MAP1B: variants seen among roughly 807,000 people sequenced by gnomAD.
MAP1B encodes microtubule associated protein 1B, also known as microtubule-associated protein 1B.
A neutral mutation model predicts 176.1 loss-of-function variants in MAP1B; 12 were observed. That is an observed-to-expected ratio of 0.07 (90% CI 0.04 to 0.11). The LOEUF is 0.11. MAP1B is among the 10% of genes least tolerant of loss of function. MAP1B has a pLI of 1.00. For synonymous variants in MAP1B, 1,044 were observed against 1,135.0 expected (o/e 0.92, Z 1.61); for missense variants, 2,523 against 2,990.5 (o/e 0.84, Z 3.65).
chr5:72,169,639 AAGGCTCGGATCT>A (rs1746496999), intron 2 of MAP1B: 2 of 154,354 alleles, frequency 1.3e-5, no homozygotes, highest in Admixed American at 1.3e-4. Flanking sequence ...CTATAGGTGG[AAGGCTCGGATCT>A]AGGCTTTGTG....
intron 2 of MAP1B, among the ~76,000 whole-genome samples, chr5:72,168,216 C>G (rs1348615171): frequency 6.6e-6 from 1 of 152,226 alleles, no homozygotes; most frequent in Non-Finnish European, 1.5e-5. Context: ...CACCTTCCAG[C>G]TTCTCCAGCA....
chr5:72,133,402 T>C (rs1014896274), intron 2 of MAP1B, among the ~76,000 whole-genome samples: 5 of 152,212 alleles, frequency 3.3e-5, no homozygotes, highest in African/African-American at 1.2e-4. Flanking sequence ...TACCCTGCAG[T>C]AAGCTTCTTT....
In MAP1B at chr5:72,198,612, G is replaced by A. The variant is rs1195251318; in HGVS notation, c.5257G>A (p.Val1753Ile). Residue 1753 changes from valine to isoleucine, a missense_variant, in exon 5 of 7, where the codon GTT becomes ATT. This residue lies in a region of MAP1B where 1,925 missense variants were observed against 2,126.0 expected (regional missense o/e 0.91). Transcript: ENST00000296755. Reference protein sequence around the residue: ...SPLQEDTLSDVAPPRDMSLYA... With the variant: ...SPLQEDTLSDIAPPRDMSLYA... ...TCTCCAAGAAGATACTCTATCCGAT[G>A]TTGCTCCTCCCAGAGATATGTCCTT... 6.2e-7 allele frequency: 1 copy of A among 1,614,128 alleles called. No individual in the cohort carries two copies. Among genetic ancestry groups the A allele is most frequent in the East Asian group, 2.2e-5 (1 of 44,876 alleles).
At position 72,199,643 on chromosome 5, in the gene MAP1B, G is replaced by C. The variant is rs1561318278; in HGVS notation, c.6288G>C (p.Glu2096Asp). 2 of 1,614,182 alleles carry C rather than the reference G, an allele frequency of 1.2e-6. No homozygotes were observed. The highest frequency in any genetic ancestry group is 4.5e-5 in the East Asian group (2 of 44,880). The stretch of plus-strand genomic sequence containing the variant: ...GTGAATACAAGCACCCCAAGACAGA[G>C]CTTTCACCCTCTTTCATTAATCCCA... ...SSCEYKHPKT[E>D]LSPSFINPNP... The change falls in exon 5 of 7, where the codon GAG (glutamate) becomes GAC (aspartate). Residue 2096 changes from glutamate to aspartate, a missense_variant. Around this residue, in one of 4 missense-constraint regions of MAP1B, gnomAD observed 1,925 missense variants for 2,126.0 expected, o/e 0.91. Transcript: ENST00000296755. The surrounding 1 kb of genome is among the most constrained non-coding windows in gnomAD (Gnocchi z 4.2).
At position 72,206,691 on chromosome 5, in the gene MAP1B, G is replaced by A. The variant is rs576117986; in HGVS notation, c.*1452G>A. On this transcript the variant is annotated 3_prime_UTR_variant, in exon 7 of 7. Coordinates refer to ENST00000296755, the MANE Select transcript of MAP1B (RefSeq NM_005909.5). ...AGGAAATTGCAAAGAAAATTCTCAA[G>A]TGATAGTCTTTTTTTTTAAGTGTTT... The A allele has an allele frequency of 7.3e-5, 11 of 151,674 alleles. No individual in the cohort carries two copies. In the South Asian group the frequency reaches 2.3e-3, roughly 32 times the overall value. 9.4% of individuals were successfully genotyped at this position (151,674 alleles called of 1,614,324 possible). A position where few individuals can be genotyped will look rare whatever the true frequency, so the allele number is the denominator to read the frequency against.
At chr5:72,135,140 C>A (rs556143772) in intron 2 of MAP1B, among the ~76,000 whole-genome samples, 310 of 151,812 alleles carry the variant, frequency 2.0e-3, no homozygotes, top group African/African-American at 7.1e-3. Flanking sequence ...CTAACAATAA[C>A]CCTGAGTCAG....
rs760180077 is a variant in MAP1B, at chr5:72,197,453, T to A, written c.4098T>A (p.Ser1366Arg). ...PPAVPVSFEF[S>R]DAKDENERAS... Reference sequence around the variant, plus strand: ...CAGTTCCAGTGAGTTTTGAATTCAGTGATGCCAAAGATGAGAATGAAAGGG... The same window carrying A: ...CAGTTCCAGTGAGTTTTGAATTCAGAGATGCCAAAGATGAGAATGAAAGGG... Residue 1366 changes from serine (S) to arginine (R), a missense_variant, in exon 5 of 7, where the codon AGT (serine) becomes AGA (arginine). Physicochemically the swap from Ser to Arg is moderately radical, Grantham distance 110. Transcript: ENST00000296755. The A allele has an allele frequency of 1.9e-6, 3 of 1,614,142 alleles. No homozygotes were observed. The South Asian group carries it at 3.3e-5, about 18-fold the overall frequency.
At chr5:72,174,893 TTCCC>T (rs1297623733) in intron 2 of MAP1B, among the ~76,000 whole-genome samples, 1 of 145,142 alleles carries the variant, frequency 6.9e-6, no homozygotes, top group African/African-American at 2.6e-5. Flanking sequence ...CCTTCCTTCC[TTCCC>T]TCCCTCCCTC....
rs986611019 is a variant in MAP1B at position 72,113,822 on chromosome 5, T to C, written c.185-1876T>C. ...TTGCACTAGACTAGTATATAGTGTATACATTGAAGTAAAATATTCTAATGA... is the reference window on the plus strand; with the variant it reads ...TTGCACTAGACTAGTATATAGTGTACACATTGAAGTAAAATATTCTAATGA... On this transcript the variant is annotated intron_variant, in intron 1 of 6. Coordinates refer to ENST00000296755, the MANE Select transcript of MAP1B (RefSeq NM_005909.5). 3.3e-5 allele frequency among the ~76,000 whole-genome samples: 5 copies of C among 152,350 alleles called. 1 individual carries two copies. The highest frequency in any genetic ancestry group is 6.8e-3 in the Middle Eastern group (2 of 294).
chr5:72,174,491 C>T (rs1017042974), intron 2 of MAP1B, among the ~76,000 whole-genome samples: 9 of 152,160 alleles, frequency 5.9e-5, no homozygotes, highest in African/African-American at 9.7e-5. Context: ...AGAGAGGGGA[C>T]GAAATTGTCG....
intron 2 of MAP1B, among the ~76,000 whole-genome samples, chr5:72,137,262 G>A (rs563078812): frequency 2.0e-5 from 3 of 152,234 alleles, no homozygotes; most frequent in African/African-American, 4.8e-5. Flanking sequence ...ATGACCTATT[G>A]GCCCTATTGC....
rs1746892588 is a variant in MAP1B at position 72,186,166 on chromosome 5, G to A, written c.370-448G>A. Among the ~76,000 whole-genome samples, 1 of 152,130 alleles carries A rather than the reference G, an allele frequency of 6.6e-6. No homozygotes were observed. The highest frequency in any genetic ancestry group is 6.5e-5 in the Admixed American group (1 of 15,280). On this transcript the variant is annotated intron_variant, in intron 3 of 6. Coordinates refer to ENST00000296755, the MANE Select transcript of MAP1B (RefSeq NM_005909.5). This position sits in a 1 kb window ranked among gnomAD's most constrained non-coding sequence, Gnocchi z 4.3. ...TTTGGAACACCGTGCTTACTGAGGA[G>A]GCCACTGGGGAACCTGGACTGTACA...
chr5:72,107,728 G>A lies in MAP1B; in HGVS notation c.184+13G>A. 6.3e-7 allele frequency: 1 copy of A among 1,597,820 alleles called. No individual in the cohort carries two copies. Among genetic ancestry groups the A allele is most frequent in the South Asian group, 1.1e-5 (1 of 90,878 alleles). On this transcript the variant is annotated intron_variant, in intron 1 of 6. Coordinates refer to ENST00000296755, the MANE Select transcript of MAP1B (RefSeq NM_005909.5). ...AACATCGAGCTCGGTAAGTGGCCCC[G>A]CGCCCCCAGAGACGCGCGCTGGGAG...
rs367932308 is a variant in MAP1B, at chr5:72,193,833, TTTTCTTTCTTTC to T, written c.511-21_511-10del. ...ATCAGTGATGATAATCACTTACACC[TTTTCTTTCTTTC>T]TTTCTTTCTTTAAAACCCAGATCGG... is the stretch of plus-strand genomic sequence containing the variant. On this transcript the variant is annotated intron_variant, in intron 4 of 6. Transcript: ENST00000296755. The T allele has an allele frequency of 3.0e-5, 46 of 1,536,134 alleles. No individual in the cohort carries two copies. In the South Asian group the frequency reaches 4.4e-4, roughly 15 times the overall value.
At chr5:72,119,162 C>T (rs1745482073) in intron 2 of MAP1B, among the ~76,000 whole-genome samples, 1 of 137,228 alleles carries the variant, frequency 7.3e-6, no homozygotes, top group Non-Finnish European at 1.7e-5. Flanking sequence ...GCCTCAGTTC[C>T]CCAGAATGTT....
At chr5:72,109,199 G>GT (rs1745253123) in intron 1 of MAP1B, among the ~76,000 whole-genome samples, 1 of 150,554 alleles carries the variant, frequency 6.6e-6, no homozygotes, top group African/African-American at 2.4e-5. Flanking sequence ...TGGTTCTTTT[G>GT]TTTAACTTTA....
chr5:72,121,008 A>G (rs1745517955), intron 2 of MAP1B, among the ~76,000 whole-genome samples: 1 of 152,230 alleles, frequency 6.6e-6, no homozygotes, highest in Admixed American at 6.5e-5. Flanking sequence ...CTATGTGTAA[A>G]GGGTGACAAC....
At chr5:72,165,771 A>G (rs1248163240) in intron 2 of MAP1B, among the ~76,000 whole-genome samples, 5 of 152,348 alleles carry the variant, frequency 3.3e-5, no homozygotes, top group Admixed American at 1.3e-4. Flanking sequence ...TTAAAATGTG[A>G]AAAAGCTCAT....
chr5:72,120,232 A>T (rs1015356887), intron 2 of MAP1B, among the ~76,000 whole-genome samples: 1 of 152,138 alleles, frequency 6.6e-6, no homozygotes. Flanking sequence ...AAAATAATTT[A>T]AAAATTTTGA....
Sources: allele counts gnomAD v4.1 joint callset (sites outside exome capture counted in the v4.1 genomes callset), GRCh38; gene constraint gnomAD v4.1.1; regional missense constraint gnomAD v4.1.1; non-coding constraint Gnocchi (gnomAD v3.1); transcripts MANE v1.5; gene names NCBI Gene and HGNC (gene_info 2026-07-23, HGNC 2026-07-21).